DENND4C: variants seen among roughly 807,000 people sequenced by gnomAD.
The protein encoded by DENND4C is DENN domain containing 4C.
Under a neutral mutation model 203.0 loss-of-function variants are expected in DENND4C, and 108 were observed. The ratio of observed to expected loss-of-function variants is 0.53; its 90% CI spans 0.46 to 0.62. The LOEUF (loss-of-function observed/expected upper bound fraction) is 0.62, where lower values mean the gene tolerates loss of function less well. Ranked by LOEUF, DENND4C falls within the 20% of genes least tolerant of loss-of-function variation. The probability of loss-of-function intolerance (pLI) is 0.00; values close to 1 mark genes in which losing one functional copy is unlikely to be tolerated. For synonymous variants in DENND4C, 871 were observed against 792.4 expected, an observed-to-expected ratio of 1.10 and a Z score of -1.67; for missense variants, 2,481 against 2,301.2, an observed-to-expected ratio of 1.08 and a Z score of -1.60.
At chr9:19,352,022 A>G (rs1422460668) in intron 24 of DENND4C, 51 bp from the exon 25 acceptor site, 3 of 1,524,652 alleles carry the variant, frequency 2.0e-6, no homozygotes, top group Non-Finnish European at 2.7e-6. Context: ...GCATTTTCAA[A>G]AAACAAGGAC....
Position 19,286,883 on chromosome 9 carries a change from T to C in DENND4C, c.420T>C (p.Phe140=). The part of the protein sequence containing the change: ...NNSSTTSQRI[F]ITYRRAPPVR... ...GTTCAACTACTTCACAAAGAATCTT[T>C]ATCACTTATCGAAGGGCTCCTCCAG... is the stretch of plus-strand genomic sequence containing the variant. Residue 140 remains phenylalanine (F), a synonymous_variant, in exon 3 of 33, where the codon TTT becomes TTC. Transcript: ENST00000434457. 1 of 1,232,164 alleles carries C rather than the reference T, an allele frequency of 8.1e-7. No homozygotes were observed. Among genetic ancestry groups the C allele is most frequent in the Non-Finnish European group, 1.0e-6 (1 of 987,964 alleles). The allele number at this position is 1,232,164 out of a possible 1,614,324, so 76.3% of individuals were successfully genotyped here.
chr9:19,258,851 C>T (rs1196372226), intron 1 of DENND4C, among the ~76,000 whole-genome samples: 2 of 152,036 alleles, frequency 1.3e-5, no homozygotes, highest in Non-Finnish European at 2.9e-5. Flanking sequence ...GACGGGGTTT[C>T]ACCATGTTGG....
intron 1 of DENND4C, among the ~76,000 whole-genome samples, chr9:19,246,231 C>A (rs372687789): frequency 6.6e-6 from 1 of 151,352 alleles, no homozygotes; most frequent in Non-Finnish European, 1.5e-5. Flanking sequence ...ACACTCAGTT[C>A]TTTGTCAACT....
Position 19,332,116 on chromosome 9 carries a change from A to G in DENND4C, c.2392A>G (p.Arg798Gly), listed in dbSNP as rs758832046. The G allele has an allele frequency of 1.9e-6, 3 of 1,614,096 alleles. No individual in the cohort carries two copies. The highest frequency in any genetic ancestry group is 2.2e-5 in the East Asian group (1 of 44,864). ...AYVRVSHPKVRALQQAYDVLI... is the reference protein window; with the variant it reads ...AYVRVSHPKVGALQQAYDVLI... Reference sequence around the variant, plus strand: ...TGTTAGAGTTTCTCATCCTAAAGTCAGAGCACTTCAGCAGGCATATGATGT... The same window carrying G: ...TGTTAGAGTTTCTCATCCTAAAGTCGGAGCACTTCAGCAGGCATATGATGT... Residue 798 changes from arginine (R) to glycine (G), a missense_variant, in exon 17 of 33, where the codon AGA becomes GGA. Coordinates refer to ENST00000434457, the MANE Select transcript of DENND4C (RefSeq NM_001330640.2).
At chr9:19,334,939 T>TATTAGTATTCACAG (rs1820100155) in intron 17 of DENND4C, 38 bp from the exon 18 acceptor site, 1 of 1,549,376 alleles carries the variant, frequency 6.5e-7, no homozygotes, top group African/African-American at 1.4e-5. Context: ...GATAGATTAG[T>TATTAGTATTCACAG]ATACTAATTA....
chr9:19,234,530 G>GGTT (rs1554706152), intron 1 of DENND4C, among the ~76,000 whole-genome samples: 1 of 104,452 alleles, frequency 9.6e-6, no homozygotes, highest in Admixed American at 1.2e-4. Flanking sequence ...GCACCTGGCT[G>GGTT]TTTTTTTTTT....
chr9:19,347,098 T>G lies in DENND4C; in HGVS notation c.4317+12T>G, dbSNP rs371828048. 12 of 1,606,080 alleles carry G rather than the reference T, an allele frequency of 7.5e-6. No homozygotes were observed. In the African/African-American group the frequency reaches 9.4e-5, roughly 13 times the overall value. On this transcript the variant is annotated intron_variant, in intron 23 of 32. Coordinates refer to ENST00000434457, the MANE Select transcript of DENND4C (RefSeq NM_001330640.2). ...ACTCAGATGATGAGGTAAGAAAGCT[T>G]TATGTGTGTAGTCTGTCTGCTATTG...
chr9:19,288,189 C>T (rs1318347650), intron 3 of DENND4C, among the ~76,000 whole-genome samples: 5 of 152,156 alleles, frequency 3.3e-5, no homozygotes, highest in East Asian at 3.9e-4. Flanking sequence ...GTTGTATAGG[C>T]GGAGATGACA....
In DENND4C at chr9:19,328,880, C is replaced by T. The variant is rs935062497; in HGVS notation, c.2253+718C>T. 3.3e-5 allele frequency among the ~76,000 whole-genome samples: 5 copies of T among 151,938 alleles called. No individual in the cohort carries two copies. The East Asian group carries it at 9.7e-4, about 29-fold the overall frequency. ...CCTGACCAACATGGAGAAACCCCGT[C>T]TCTACTAAAAATACAAAATTAGCTG... On this transcript the variant is annotated intron_variant, in intron 16 of 32. Transcript: ENST00000434457.
At chr9:19,299,046 G>T (rs1838021723) in intron 7 of DENND4C, among the ~76,000 whole-genome samples, 183 bp from the exon 8 acceptor site, 1 of 152,074 alleles carries the variant, frequency 6.6e-6, no homozygotes, top group Admixed American at 6.6e-5. Context: ...ACACTTCTGA[G>T]TAAATACAGC....
chr9:19,239,832 A>C (rs569347727), intron 1 of DENND4C, among the ~76,000 whole-genome samples: 2 of 152,158 alleles, frequency 1.3e-5, no homozygotes, highest in Non-Finnish European at 2.9e-5. Context: ...ACGGTCCAGC[A>C]TATGGTTTAT....
rs138607993 is a variant in DENND4C at position 19,326,128 on chromosome 9, A to G, written c.2054A>G (p.His685Arg). Residue 685 changes from histidine to arginine, a missense_variant, in exon 15 of 33, where the codon CAT (histidine) becomes CGT (arginine). His to Arg is a conservative substitution (Grantham distance 29). Coordinates refer to ENST00000434457, the MANE Select transcript of DENND4C (RefSeq NM_001330640.2). ...CTAGATGATTCACAGAAAAGTGAGC[A>G]TACTGTATTTATAATGCCGCCAGAG... ...IELDDSQKSEHTVFIMPPEPP... is the reference protein window; with the variant it reads ...IELDDSQKSERTVFIMPPEPP... 5 of 1,613,604 alleles carry G rather than the reference A, an allele frequency of 3.1e-6. No individual in the cohort carries two copies. The highest frequency in any genetic ancestry group is 4.2e-6 in the Non-Finnish European group (5 of 1,179,736).
Position 19,361,900 on chromosome 9 carries a change from T to C in DENND4C, c.5461T>C (p.Trp1821Arg), listed in dbSNP as rs748923187. The change falls in exon 30 of 33, where the codon TGG (tryptophan) becomes CGG (arginine). Residue 1821 changes from tryptophan (W) to arginine (R), a missense_variant. Physicochemically the swap from Trp to Arg is moderately radical, Grantham distance 101. Transcript: ENST00000434457. ...DSKLVYIQLLWDNINLHQEPR... is the reference protein window; with the variant it reads ...DSKLVYIQLLRDNINLHQEPR... ...CAAACTTGTGTATATTCAGCTGTTATGGGATAATATCAACCTTCATCAGGA... is the reference window on the plus strand; with the variant it reads ...CAAACTTGTGTATATTCAGCTGTTACGGGATAATATCAACCTTCATCAGGA... 5 of 1,612,968 alleles carry C rather than the reference T, an allele frequency of 3.1e-6. No homozygotes were observed. The highest frequency in any genetic ancestry group is 2.2e-5 in the East Asian group (1 of 44,880).
intron 5 of DENND4C, 88 bp downstream of exon 5, chr9:19,290,964 A>T (rs930512551): frequency 1.5e-6 from 2 of 1,317,378 alleles, no homozygotes; most frequent in African/African-American, 2.9e-5. Context: ...GAATGTTAGG[A>T]TTATTTGGAC....
intron 30 of DENND4C, among the ~76,000 whole-genome samples, chr9:19,363,126 G>C (rs576925579): frequency 4.6e-5 from 7 of 152,258 alleles, no homozygotes; most frequent in African/African-American, 1.7e-4. Context: ...CCCTCTTGCT[G>C]TACCCTCACA....
chr9:19,300,544 A>G (rs1838346725), intron 9 of DENND4C, among the ~76,000 whole-genome samples: 1 of 152,194 alleles, frequency 6.6e-6, no homozygotes, highest in African/African-American at 2.4e-5. Context: ...ATTTTAGGAA[A>G]AACGTCAATT....
chr9:19,307,131 C>G (rs1839840361), intron 10 of DENND4C, among the ~76,000 whole-genome samples: 2 of 152,004 alleles, frequency 1.3e-5, no homozygotes, highest in African/African-American at 4.8e-5. Flanking sequence ...GGTGTAGTGT[C>G]TCACACCTTT....
chr9:19,343,293 T>C (rs2666797), intron 22 of DENND4C, among the ~76,000 whole-genome samples: 40,072 of 152,114 alleles, frequency 0.26, 5,713 homozygotes, highest in Middle Eastern at 0.47. Context: ...ACTAAATAAC[T>C]CTGTGTGTAT....
At chr9:19,254,153 C>T (rs1327460198) in intron 1 of DENND4C, among the ~76,000 whole-genome samples, 1 of 152,022 alleles carries the variant, frequency 6.6e-6, no homozygotes, top group Non-Finnish European at 1.5e-5. Context: ...TAAATTGGAA[C>T]AGCCATTATG....
Sources: gnomAD v4.1 joint callset for allele counts (sites outside exome capture counted in the v4.1 genomes callset) on GRCh38, gnomAD v4.1.1 for gene constraint, MANE v1.5 for transcripts, NCBI Gene and HGNC (gene_info 2026-07-23, HGNC 2026-07-21) for gene names.